The following MYH11 variants were observed in gnomAD, a reference collection of about 807,000 sequenced individuals.
MYH11 encodes the protein myosin heavy chain 11, also known as myosin-11.
A neutral mutation model predicts 246.6 loss-of-function variants in MYH11; 80 were observed. The observed-to-expected ratio is 0.32, with a 90% CI of 0.27 to 0.39. The LOEUF is 0.39. Ranked by LOEUF, MYH11 falls within the 10% of genes least tolerant of loss-of-function variation. The pLI is 1.00. For synonymous variants in MYH11, 1,071 were observed against 1,015.5 expected (o/e 1.05, Z -1.04); for missense variants, 2,158 against 2,546.8 (o/e 0.85, Z 3.29).
chr16:15,742,004 A>G, intron 20 of MYH11, 113 bp from the exon 21 acceptor site: 1 of 1,423,842 alleles, frequency 7.0e-7, no homozygotes, highest in Non-Finnish European at 9.6e-7. Flanking sequence ...ACCGATCCCC[A>G]CTAGGGGATA....
chr16:15,809,948 G>A (rs1221102421), intron 3 of MYH11, among the ~76,000 whole-genome samples: 3 of 152,098 alleles, frequency 2.0e-5, no homozygotes, highest in African/African-American at 4.8e-5. Context: ...AACAAGGAAG[G>A]TGTTGCCAAG....
At chr16:15,734,409 C>T (rs1596751557) in intron 26 of MYH11, among the ~76,000 whole-genome samples, 2 of 152,272 alleles carry the variant, frequency 1.3e-5, no homozygotes, top group East Asian at 3.9e-4. Flanking sequence ...AGTGACTCTA[C>T]TGCCTCAGCC....
At chr16:15,814,318 C>T (rs529643733) in intron 3 of MYH11, among the ~76,000 whole-genome samples, 6 of 151,448 alleles carry the variant, frequency 4.0e-5, no homozygotes, top group African/African-American at 1.2e-4. Flanking sequence ...TTTGGGAGGC[C>T]GAGTTGGGTG....
intron 2 of MYH11, among the ~76,000 whole-genome samples, chr16:15,827,990 C>T (rs140551671): frequency 9.3e-4 from 142 of 152,348 alleles, no homozygotes; most frequent in Non-Finnish European, 1.6e-3. Flanking sequence ...TCCACTGCCA[C>T]GCCCCTTTTG....
chr16:15,720,975 T>C lies in MYH11; in HGVS notation c.4655A>G (p.Glu1552Gly). Residue 1552 changes from glutamate (E) to glycine (G), a missense_variant, in exon 33 of 41, where the codon GAG (glutamate) becomes GGG (glycine). Transcript: ENST00000300036. The part of the protein sequence containing the change: ...EEMKTQLEEL[E>G]DELQATEDAK... ...GTCCTCCGTGGCTTGCAGCTCGTCC[T>C]CCAGCTCTTCCAGCTGCGTCTTCAT... 1 of 1,614,100 alleles carries C rather than the reference T, an allele frequency of 6.2e-7. No individual in the cohort carries two copies. The highest frequency in any genetic ancestry group is 8.5e-7 in the Non-Finnish European group (1 of 1,180,020).
chr16:15,822,605 C>T (rs1014760781), intron 3 of MYH11, among the ~76,000 whole-genome samples: 2 of 152,124 alleles, frequency 1.3e-5, no homozygotes, highest in African/African-American at 2.4e-5. Context: ...GTCCCAGCTA[C>T]TTGGGAGGCT....
intron 6 of MYH11, 43 bp from the exon 7 acceptor site, chr16:15,778,886 C>T (rs1171882767): frequency 3.8e-6 from 6 of 1,592,194 alleles, no homozygotes; most frequent in Admixed American, 1.7e-5. Flanking sequence ...TGCCCAACTT[C>T]AGCCGTTAAC....
At chr16:15,767,756 A>G (rs1777079956) in intron 9 of MYH11, among the ~76,000 whole-genome samples, 1 of 151,950 alleles carries the variant, frequency 6.6e-6, no homozygotes, top group African/African-American at 2.4e-5. Context: ...GACAGAAGAG[A>G]AGACCCACAG....
chr16:15,716,318 T>C (rs1229790243), intron 38 of MYH11, among the ~76,000 whole-genome samples: 1 of 152,158 alleles, frequency 6.6e-6, no homozygotes. Flanking sequence ...TGAATAGCCC[T>C]TGAATTATAC....
At chr16:15,749,275 G>C (rs1409818360) in intron 16 of MYH11, 1 of 151,456 alleles carries the variant, frequency 6.6e-6, no homozygotes, top group Non-Finnish European at 1.5e-5. Flanking sequence ...TCAGCCTCCT[G>C]AGTAGCTGGG....
intron 15 of MYH11, among the ~76,000 whole-genome samples, chr16:15,751,500 C>T (rs1438898956): frequency 2.0e-5 from 3 of 151,670 alleles, no homozygotes; most frequent in East Asian, 3.9e-4. Context: ...ATCATCACCT[C>T]CAAGGTTCTT....
chr16:15,757,723 GA>G (rs1272868960), intron 13 of MYH11, 103 bp downstream of exon 13: 2 of 1,416,408 alleles, frequency 1.4e-6, no homozygotes, highest in Admixed American at 3.8e-5. Flanking sequence ...TTGGGTGGGG[GA>G]ATGCTATGTG....
At chr16:15,713,038 A>T (rs769477588) in intron 40 of MYH11, 2 of 151,760 alleles carry the variant, frequency 1.3e-5, no homozygotes, top group Non-Finnish European at 2.9e-5. Context: ...ATTTTTTGGT[A>T]GAGACAGGGT....
At chr16:15,809,242 G>T (rs906902814) in intron 3 of MYH11, among the ~76,000 whole-genome samples, 3 of 152,126 alleles carry the variant, frequency 2.0e-5, no homozygotes, top group Non-Finnish European at 4.4e-5. Context: ...AATCAATATT[G>T]TTAGAATGAC....
At chr16:15,828,159 T>C (rs929991784) in intron 2 of MYH11, among the ~76,000 whole-genome samples, 1 of 152,208 alleles carries the variant, frequency 6.6e-6, no homozygotes, top group Non-Finnish European at 1.5e-5. Flanking sequence ...GCAAGTCCCT[T>C]AACCTCTCTG....
intron 40 of MYH11, among the ~76,000 whole-genome samples, chr16:15,710,897 C>T (rs1001717143): frequency 2.6e-5 from 4 of 152,084 alleles, no homozygotes; most frequent in Non-Finnish European, 4.4e-5. Context: ...AGGCTGGTCT[C>T]GAACTCCTGA....
rs1056605428 is a variant in MYH11 at position 15,741,606 on chromosome 16, C to T, written c.2716G>A (p.Ala906Thr). The T allele has an allele frequency of 1.2e-6, 2 of 1,613,120 alleles. No individual in the cohort carries two copies. Among genetic ancestry groups the T allele is most frequent in the Non-Finnish European group, 1.7e-6 (2 of 1,180,028 alleles). Residue 906 changes from alanine to threonine, a missense_variant, in exon 22 of 41, where the codon GCT becomes ACT. Coordinates refer to ENST00000300036, the MANE Select transcript of MYH11 (RefSeq NM_002474.3). ...LQAETELYAE[A>T]EEMRVRLAAK... ...GCCAGCCGCACCCGCATCTCCTCAG[C>T]CTCTGCATACAGCTCTGTCTCTGCC...
rs138132973 is a variant in MYH11 at position 15,800,597 on chromosome 16, TTGGATGGATGGA to T, written c.503-1922_503-1911del. On this transcript the variant is annotated intron_variant, in intron 3 of 40. Transcript: ENST00000300036. ...CAGAGTGTATAGGCCGGTAAATGAGTTGGATGGATGGATGGATGGATGGATGGATGGATGGAT... is the reference window on the plus strand; with the variant it reads ...CAGAGTGTATAGGCCGGTAAATGAGTTGGATGGATGGATGGATGGATGGAT... Among the ~76,000 whole-genome samples the T allele has an allele frequency of 6.2e-3, 892 of 143,192 alleles. 6 individuals are homozygous for T. The highest frequency in any genetic ancestry group is 8.8e-3 in the Non-Finnish European group (577 of 65,614). 93.9% of individuals were successfully genotyped at this position (143,192 alleles called of 152,430 possible). A position where few individuals can be genotyped will look rare whatever the true frequency, so the allele number is the denominator to read the frequency against.
intron 12 of MYH11, among the ~76,000 whole-genome samples, chr16:15,758,925 C>G (rs1182017683): frequency 6.7e-6 from 1 of 149,988 alleles, no homozygotes; most frequent in African/African-American, 2.5e-5. Context: ...AATTGTGACA[C>G]TGCATTCCAG....
Sources: allele counts gnomAD v4.1 joint callset (sites outside exome capture counted in the v4.1 genomes callset), GRCh38; gene constraint gnomAD v4.1.1; transcripts MANE v1.5; gene names NCBI Gene and HGNC (gene_info 2026-07-23, HGNC 2026-07-21).